Variants in DMD observed in about 807,000 individuals in gnomAD.
DMD encodes the protein dystrophin.
DMD carries 63 observed loss-of-function variants against 330.1 expected under a neutral mutation model. The observed-to-expected ratio is 0.19, with a 90% CI of 0.16 to 0.24. The LOEUF (loss-of-function observed/expected upper bound fraction) is 0.24, where lower values mean the gene tolerates loss of function less well. Ranked by LOEUF, DMD falls within the 10% of genes least tolerant of loss-of-function variation. DMD has a pLI of 1.00. For missense variants in DMD, 3,344 were observed against 2,684.1 expected, an observed-to-expected ratio of 1.25 and a Z score of -5.43; for synonymous variants, 1,223 against 959.8, an observed-to-expected ratio of 1.27 and a Z score of -5.07.
chrX:32,829,748 A>C (rs892282413), intron 4 of DMD, among the ~76,000 whole-genome samples: 2 of 111,805 alleles, frequency 1.8e-5, no homozygotes, highest in Admixed American at 9.5e-5. Flanking sequence ...GAGCTATATA[A>C]ATTTTACCAA....
At chrX:32,466,829 G>C (rs1161793743) in intron 23 of DMD, among the ~76,000 whole-genome samples, 1 of 111,386 alleles carries the variant, frequency 9.0e-6, no homozygotes, top group East Asian at 2.8e-4. Context: ...CTCCAAAACA[G>C]ACAAAGTCCT....
intron 63 of DMD, among the ~76,000 whole-genome samples, chrX:31,245,409 T>C (rs1474653940): frequency 8.9e-6 from 1 of 111,865 alleles, no homozygotes; most frequent in Non-Finnish European, 1.9e-5. Flanking sequence ...AATTATTTTT[T>C]CAGAGGCTAC....
At chrX:32,008,233 T>C (rs1215421176) in intron 44 of DMD, among the ~76,000 whole-genome samples, 5 of 111,287 alleles carry the variant, frequency 4.5e-5, no homozygotes, top group African/African-American at 3.3e-5. Context: ...ATGTTGAGGC[T>C]AGGTGGAAAG....
At chrX:32,323,247 G>A (rs1384648322) in intron 41 of DMD, among the ~76,000 whole-genome samples, 1 of 111,627 alleles carries the variant, frequency 9.0e-6, no homozygotes, top group Non-Finnish European at 1.9e-5. Context: ...CAAACACTAT[G>A]CCATTTTATA....
At chrX:31,918,795 G>A (rs1358830410) in intron 47 of DMD, among the ~76,000 whole-genome samples, 1 of 110,061 alleles carries the variant, frequency 9.1e-6, no homozygotes, top group Non-Finnish European at 1.9e-5. Flanking sequence ...GTGCCACCAC[G>A]CCCAGCTAAT....
At chrX:32,049,170 G>C (rs41469547) in intron 44 of DMD, among the ~76,000 whole-genome samples, 30,203 of 110,385 alleles carry the variant, frequency 0.27, 3,274 homozygotes, top group East Asian at 0.42. Flanking sequence ...CTCAAAGCAA[G>C]GTCTAATTGA....
intron 74 of DMD, among the ~76,000 whole-genome samples, chrX:31,162,356 T>TAAAAAAAAAAAAA (rs57908991): frequency 5.9e-5 from 3 of 50,619 alleles, no homozygotes; most frequent in African/African-American, 2.0e-4. Context: ...ATGAAAAATC[T>TAAAAAAAAAAAAA]AAAAAAAAAA....
chrX:33,167,540 ATT>A, intron 1 of DMD, among the ~76,000 whole-genome samples: 1 of 111,370 alleles, frequency 9.0e-6, no homozygotes, highest in Admixed American at 9.7e-5. Context: ...CTTAAATATA[ATT>A]TCTTTTTGTC....
intron 55 of DMD, among the ~76,000 whole-genome samples, chrX:31,542,497 T>C (rs1230830130): frequency 8.9e-6 from 1 of 112,241 alleles, no homozygotes; most frequent in Non-Finnish European, 1.9e-5. Flanking sequence ...ACTACTACTG[T>C]CAACCTTATA....
intron 1 of DMD, among the ~76,000 whole-genome samples, chrX:33,263,277 A>AT (rs1366156947): frequency 1.8e-5 from 2 of 110,084 alleles, no homozygotes; most frequent in South Asian, 3.8e-4. Context: ...CCATTTGAAC[A>AT]TTTTTTATTC....
At chrX:33,272,664 GAAA>G (rs113135101) in intron 1 of DMD, among the ~76,000 whole-genome samples, 10 of 84,631 alleles carry the variant, frequency 1.2e-4, no homozygotes, top group African/African-American at 3.5e-4. Flanking sequence ...ACATCAAAAT[GAAA>G]AAAAAAAAAA....
At chrX:32,634,060 G>T (rs898664644) in intron 11 of DMD, among the ~76,000 whole-genome samples, 1 of 111,367 alleles carries the variant, frequency 9.0e-6, no homozygotes, top group African/African-American at 3.3e-5. Flanking sequence ...GGCTAAGCTG[G>T]CACCCCACCC....
At chrX:32,641,714 C>T (rs1213479061) in intron 11 of DMD, among the ~76,000 whole-genome samples, 4 of 110,481 alleles carry the variant, frequency 3.6e-5, no homozygotes, top group Non-Finnish European at 7.6e-5. Context: ...TATGACTAGA[C>T]AAATGTTAAT....
chrX:31,642,675 A>T (rs183562317), intron 54 of DMD, among the ~76,000 whole-genome samples: 173 of 111,632 alleles, frequency 1.5e-3, no homozygotes, highest in African/African-American at 5.4e-3. Flanking sequence ...CAGAATGGGA[A>T]TTAATTTATT....
chrX:32,503,529 A>C (rs1395598988), intron 18 of DMD, among the ~76,000 whole-genome samples: 2 of 112,044 alleles, frequency 1.8e-5, no homozygotes, highest in South Asian at 3.7e-4. Context: ...ATCTAATTTA[A>C]AGAAATAGCT....
intron 44 of DMD, among the ~76,000 whole-genome samples, chrX:32,019,606 T>G (rs2095792769): frequency 9.0e-6 from 1 of 110,802 alleles, no homozygotes; most frequent in Admixed American, 9.6e-5. Context: ...TTCGTATCTT[T>G]CTTACACATG....
chrX:32,140,363 A>C (rs2096746765), intron 44 of DMD, among the ~76,000 whole-genome samples: 1 of 112,241 alleles, frequency 8.9e-6, no homozygotes, highest in African/African-American at 3.2e-5. Context: ...CACCATAGAT[A>C]TAAATCACTG....
rs905104576 is a variant in DMD at position 32,520,331 on chromosome X, C to T, written c.2169-2200G>A. 8.9e-5 allele frequency among the ~76,000 whole-genome samples: 10 copies of T among 112,055 alleles called. No homozygotes were observed. The East Asian group carries it at 2.8e-3, about 31-fold the overall frequency. ...TCTCCTACTATGGTTATTTGATTACCTACCCAAACCAGTGAATTATATTTC... is the reference window on the plus strand; with the variant it reads ...TCTCCTACTATGGTTATTTGATTACTTACCCAAACCAGTGAATTATATTTC... On this transcript the variant is annotated intron_variant, in intron 17 of 78. Transcript: ENST00000357033.
intron 2 of DMD, among the ~76,000 whole-genome samples, chrX:32,965,611 G>A (rs977075269): frequency 9.0e-6 from 1 of 111,071 alleles, no homozygotes; most frequent in Non-Finnish European, 1.9e-5. Context: ...TAGGAAGTGG[G>A]TAGGTAGAGA....
Sources: gnomAD v4.1 joint callset for allele counts (sites outside exome capture counted in the v4.1 genomes callset) on GRCh38, gnomAD v4.1.1 for gene constraint, MANE v1.5 for transcripts, NCBI Gene and HGNC (gene_info 2026-07-23, HGNC 2026-07-21) for gene names.